Variants in KCNIP4 observed in about 807,000 individuals in gnomAD.
KCNIP4 encodes the protein Kv channel-interacting protein 4.
Under a neutral mutation model 34.0 loss-of-function variants are expected in KCNIP4, and 12 were observed. That is an observed-to-expected ratio of 0.35 (90% CI 0.23 to 0.57). The LOEUF is 0.57. KCNIP4 is among the 20% of genes least tolerant of loss of function. The probability of loss-of-function intolerance (pLI) is 0.83; values close to 1 mark genes in which losing one functional copy is unlikely to be tolerated. For missense variants in KCNIP4, 238 were observed against 311.7 expected (o/e 0.76, Z 1.78); for synonymous variants, 124 against 102.2 (o/e 1.21, Z -1.29).
chr4:21,716,361 T>C (rs1425193524), intron 1 of KCNIP4, among the ~76,000 whole-genome samples: 8 of 152,122 alleles, frequency 5.3e-5, no homozygotes, highest in Non-Finnish European at 1.5e-5. Flanking sequence ...CTCAGTCTCC[T>C]GAGTGGCTGT....
At chr4:21,106,234 T>C (rs1167618853) in intron 1 of KCNIP4, among the ~76,000 whole-genome samples, 1 of 151,704 alleles carries the variant, frequency 6.6e-6, no homozygotes, top group African/African-American at 2.4e-5. Context: ...CCTGGACTCT[T>C]TGGTTGGTAA....
At chr4:21,488,060 C>A (rs1732073473) in intron 1 of KCNIP4, among the ~76,000 whole-genome samples, 1 of 152,082 alleles carries the variant, frequency 6.6e-6, no homozygotes, top group Non-Finnish European at 1.5e-5. Context: ...TGCTTCTAGG[C>A]CCTCTTAATT....
intron 1 of KCNIP4, among the ~76,000 whole-genome samples, chr4:21,170,319 T>C (rs961430083): frequency 1.3e-5 from 2 of 152,188 alleles, no homozygotes; most frequent in African/African-American, 4.8e-5. Context: ...TACTGAATAA[T>C]AAACATAATT....
At chr4:21,048,427 A>G (rs2149788319) in intron 1 of KCNIP4, among the ~76,000 whole-genome samples, 1 of 152,300 alleles carries the variant, frequency 6.6e-6, no homozygotes, top group East Asian at 1.9e-4. Flanking sequence ...TCTAATTGCA[A>G]ATAATGCAAG....
chr4:21,501,968 T>TTCTC (rs149680713), intron 1 of KCNIP4, among the ~76,000 whole-genome samples: 7 of 144,888 alleles, frequency 4.8e-5, no homozygotes, highest in Admixed American at 3.5e-4. Context: ...AGGGAGAATT[T>TTCTC]TCTCTCTCTC....
At chr4:20,957,906 A>T (rs1418530961) in intron 1 of KCNIP4, among the ~76,000 whole-genome samples, 4 of 152,212 alleles carry the variant, frequency 2.6e-5, no homozygotes. Context: ...TTCTGGCCTC[A>T]CATCCCTTCA....
intron 1 of KCNIP4, among the ~76,000 whole-genome samples, chr4:21,199,726 A>G (rs1205048485): frequency 6.6e-6 from 1 of 152,246 alleles, no homozygotes; most frequent in Non-Finnish European, 1.5e-5. Context: ...ATGCTGCTAT[A>G]AAGATACATG....
intron 1 of KCNIP4, among the ~76,000 whole-genome samples, chr4:20,893,393 C>T (rs1024586532): frequency 3.3e-5 from 5 of 151,982 alleles, no homozygotes; most frequent in Non-Finnish European, 5.9e-5. Flanking sequence ...TGTAAGGCTT[C>T]GGAAAAGTAA....
rs139447925 is a variant in KCNIP4, at chr4:21,340,466, G to A, written c.62-457757C>T. The stretch of plus-strand genomic sequence containing the variant: ...AAGAACAGAACTTGATTTATGTTAT[G>A]TCTGATTTGTTCTGATATGTATAGA... On this transcript the variant is annotated intron_variant, in intron 1 of 8. Transcript: ENST00000382152. 3.5e-3 allele frequency among the ~76,000 whole-genome samples: 538 copies of A among 152,136 alleles called. 1 individual carries two copies. The highest frequency in any genetic ancestry group is 0.012 in the African/African-American group (502 of 41,510).
chr4:21,588,658 G>A (rs1335649923), intron 1 of KCNIP4, among the ~76,000 whole-genome samples: 10 of 150,460 alleles, frequency 6.6e-5, no homozygotes, highest in Non-Finnish European at 1.5e-5. Flanking sequence ...CCACAGCAGA[G>A]GTACTCTAAA....
At chr4:21,321,696 GAGAA>G in intron 1 of KCNIP4, among the ~76,000 whole-genome samples, 2 of 72,570 alleles carry the variant, frequency 2.8e-5, no homozygotes, top group African/African-American at 5.4e-5. Flanking sequence ...TGTGAAGAGA[GAGAA>G]GGAAGGAGAG....
intron 1 of KCNIP4, among the ~76,000 whole-genome samples, chr4:21,830,943 A>C (rs1722946871): frequency 6.6e-6 from 1 of 152,180 alleles, no homozygotes; most frequent in African/African-American, 2.4e-5. Context: ...CAAAATTTAA[A>C]ATCATTTCAA....
intron 1 of KCNIP4, among the ~76,000 whole-genome samples, chr4:21,406,634 G>A (rs989457994): frequency 7.2e-5 from 11 of 152,130 alleles, no homozygotes; most frequent in African/African-American, 1.4e-4. Context: ...AAGGAAAAGC[G>A]CTGATGTAAT....
At chr4:21,677,598 G>C (rs1210578735) in intron 1 of KCNIP4, among the ~76,000 whole-genome samples, 2 of 152,170 alleles carry the variant, frequency 1.3e-5, no homozygotes, top group African/African-American at 4.8e-5. Context: ...AGGGCATCCT[G>C]TTCCACTGGT....
chr4:21,674,500 CT>C (rs752258872), intron 1 of KCNIP4, among the ~76,000 whole-genome samples: 1 of 152,158 alleles, frequency 6.6e-6, no homozygotes, highest in Non-Finnish European at 1.5e-5. Flanking sequence ...AATATTACAT[CT>C]TGAAGACAGC....
At position 21,683,446 on chromosome 4, in the gene KCNIP4, A is replaced by ATTTTTTTTTTTTT. The variant is rs71191533; in HGVS notation, c.61+265112_61+265124dup. The stretch of plus-strand genomic sequence containing the variant: ...TACGACTAATGATTGGTGAAGCCAG[A>ATTTTTTTTTTTTT]TTTTTTTTTTTTTTTTTTTTTTTTT... On this transcript the variant is annotated intron_variant, in intron 1 of 8. Transcript: ENST00000382152. Among the ~76,000 whole-genome samples, 162 of 46,614 alleles carry ATTTTTTTTTTTTT rather than the reference A, an allele frequency of 3.5e-3. 38 individuals are homozygous for ATTTTTTTTTTTTT. The highest frequency in any genetic ancestry group is 5.7e-3 in the Non-Finnish European group (136 of 24,002). The allele number at this position is 46,614 out of a possible 152,430, so 30.6% of individuals were successfully genotyped here. A position where few individuals can be genotyped will look rare whatever the true frequency, so the allele number is the denominator to read the frequency against.
At chr4:20,831,814 T>C (rs1380791101) in intron 3 of KCNIP4, among the ~76,000 whole-genome samples, 1 of 152,226 alleles carries the variant, frequency 6.6e-6, no homozygotes, top group Non-Finnish European at 1.5e-5. Flanking sequence ...GGTGCCTTGA[T>C]TCTGCTGCTG....
intron 1 of KCNIP4, among the ~76,000 whole-genome samples, chr4:21,483,846 C>T (rs1731673991): frequency 6.6e-6 from 1 of 151,684 alleles, no homozygotes; most frequent in South Asian, 2.1e-4. Flanking sequence ...GTGGTACCTC[C>T]CCTGTCTCTC....
chr4:21,445,364 C>G (rs1310308926), intron 1 of KCNIP4, among the ~76,000 whole-genome samples: 1 of 152,188 alleles, frequency 6.6e-6, no homozygotes, highest in South Asian at 2.1e-4. Flanking sequence ...CGCTACCTGA[C>G]TTCAAACTAT....
Sources: allele counts gnomAD v4.1 joint callset (sites outside exome capture counted in the v4.1 genomes callset), GRCh38; gene constraint gnomAD v4.1.1; transcripts MANE v1.5; gene names NCBI Gene and HGNC (gene_info 2026-07-23, HGNC 2026-07-21).